CCDC91: variants seen among roughly 807,000 people sequenced by gnomAD.
CCDC91 encodes coiled-coil domain containing 91, also known as coiled-coil domain-containing protein 91.
A neutral mutation model predicts 63.2 loss-of-function variants in CCDC91; 48 were observed. The ratio of observed to expected loss-of-function variants is 0.76; its 90% CI spans 0.60 to 0.97. CCDC91 has a LOEUF of 0.97. CCDC91 is among the 50% of genes least tolerant of loss of function. The pLI, the probability that CCDC91 is intolerant of heterozygous loss-of-function variation, is 0.00. For synonymous variants in CCDC91, 167 were observed against 165.8 expected (o/e 1.01, Z -0.06); for missense variants, 500 against 494.6 (o/e 1.01, Z -0.10).
chr12:28,278,803 T>C (rs1948411305), intron 3 of CCDC91, among the ~76,000 whole-genome samples: 1 of 152,114 alleles, frequency 6.6e-6, no homozygotes, highest in Non-Finnish European at 1.5e-5. Context: ...GGCTTCACCA[T>C]TAACAGCTAT....
intron 1 of CCDC91, among the ~76,000 whole-genome samples, chr12:28,240,350 CT>C (rs1156666282): frequency 1.3e-5 from 2 of 151,966 alleles, no homozygotes; most frequent in African/African-American, 2.4e-5. Flanking sequence ...TACTTCTTGA[CT>C]TTTTTTTCCT....
intron 3 of CCDC91, among the ~76,000 whole-genome samples, chr12:28,282,049 A>G (rs1214032699): frequency 3.3e-5 from 5 of 152,200 alleles, no homozygotes; most frequent in Admixed American, 3.3e-4. Flanking sequence ...GTAGAAATGT[A>G]CATATATCTC....
chr12:28,474,750 A>G (rs1950994157), intron 11 of CCDC91, among the ~76,000 whole-genome samples: 1 of 151,398 alleles, frequency 6.6e-6, no homozygotes, highest in Admixed American at 6.6e-5. Context: ...AGAATGTTGG[A>G]GATATTGAGA....
At chr12:28,276,159 T>A (rs1379603931) in intron 3 of CCDC91, among the ~76,000 whole-genome samples, 1 of 152,098 alleles carries the variant, frequency 6.6e-6, no homozygotes, top group Non-Finnish European at 1.5e-5. Flanking sequence ...CCTTGATTAT[T>A]TTTAAAGACA....
chr12:28,259,290 C>T, intron 2 of CCDC91, 74 bp from the exon 3 acceptor site: 1 of 1,072,184 alleles, frequency 9.3e-7, no homozygotes, highest in Non-Finnish European at 1.5e-6. Flanking sequence ...GCCTATTGAA[C>T]TGGAATGCTT....
chr12:28,369,959 A>G (rs1944510264), intron 7 of CCDC91, among the ~76,000 whole-genome samples: 2 of 151,968 alleles, frequency 1.3e-5, no homozygotes, highest in Admixed American at 1.3e-4. Flanking sequence ...CCACACAACC[A>G]TTTTTCCCTC....
At chr12:28,415,662 A>G (rs1592606589) in intron 8 of CCDC91, among the ~76,000 whole-genome samples, 1 of 50,120 alleles carries the variant, frequency 2.0e-5, no homozygotes, top group East Asian at 5.8e-4. Flanking sequence ...AAAGATATAT[A>G]TTTGTGTGTG....
chr12:28,285,889 C>T (rs182019011), intron 3 of CCDC91, among the ~76,000 whole-genome samples: 43 of 151,938 alleles, frequency 2.8e-4, no homozygotes, highest in Admixed American at 1.3e-3. Flanking sequence ...AATTTTACTT[C>T]GTAAAGCAAT....
At chr12:28,296,165 A>G (rs555777810) in intron 3 of CCDC91, among the ~76,000 whole-genome samples, 100 of 151,436 alleles carry the variant, frequency 6.6e-4, no homozygotes, top group African/African-American at 2.4e-3. Flanking sequence ...TTATTTTTTA[A>G]ATTTTCCCAT....
At chr12:28,199,343 A>G (rs1478346704) in intron 1 of CCDC91, among the ~76,000 whole-genome samples, 1 of 152,148 alleles carries the variant, frequency 6.6e-6, no homozygotes, top group East Asian at 1.9e-4. Context: ...TTTTGTTCCT[A>G]TATATTCCCT....
rs1565701112 is a variant in CCDC91, at chr12:28,267,905, T to TATTATATATAATTATTATAATTATATATA, written c.109+8483_109+8511dup. On this transcript the variant is annotated intron_variant, in intron 3 of 12. Coordinates refer to ENST00000536442, the MANE Select transcript of CCDC91 (RefSeq NM_018318.5). ...TAATTATTATAATTATATATAATTA[T>TATTATATATAATTATTATAATTATATATA]ATTATATATAATTATTATAATTATA... Among the ~76,000 whole-genome samples, 109 of 55,700 alleles carry TATTATATATAATTATTATAATTATATATA rather than the reference T, an allele frequency of 2.0e-3. 2 individuals carry two copies. The highest frequency in any genetic ancestry group is 3.4e-3 in the Non-Finnish European group (81 of 24,094). 36.5% of individuals were successfully genotyped at this position (55,700 alleles called of 152,430 possible). A position where few individuals can be genotyped will look rare whatever the true frequency, so the allele number is the denominator to read the frequency against.
intron 6 of CCDC91, among the ~76,000 whole-genome samples, chr12:28,313,851 AT>A (rs921691924): frequency 6.6e-6 from 1 of 151,966 alleles, no homozygotes; most frequent in Non-Finnish European, 1.5e-5. Context: ...AGAACTCCTC[AT>A]TTTAGTACAA....
Position 28,521,196 on chromosome 12 carries a change from A to G in CCDC91, c.1216-27867A>G, listed in dbSNP as rs568546341. 9.7e-4 allele frequency among the ~76,000 whole-genome samples: 148 copies of G among 152,266 alleles called. 1 individual carries two copies. The highest frequency in any genetic ancestry group is 3.4e-3 in the African/African-American group (141 of 41,556). ...CATTTTCACGATATTGATTATTCCT[A>G]TCCATGAGCATGGAATGTTCTTCCA... On this transcript the variant is annotated intron_variant, in intron 12 of 12. Transcript: ENST00000536442.
At chr12:28,386,019 C>G (rs1191908697) in intron 7 of CCDC91, among the ~76,000 whole-genome samples, 1 of 151,990 alleles carries the variant, frequency 6.6e-6, no homozygotes, top group Non-Finnish European at 1.5e-5. Flanking sequence ...ATTTATAGTC[C>G]TTCACACTAT....
At chr12:28,435,434 A>C (rs946560242) in intron 8 of CCDC91, among the ~76,000 whole-genome samples, 2 of 151,742 alleles carry the variant, frequency 1.3e-5, no homozygotes, top group Non-Finnish European at 3.0e-5. Flanking sequence ...ATCTATAACT[A>C]TCCTAATTTC....
chr12:28,366,610 G>T (rs567744481), intron 7 of CCDC91, among the ~76,000 whole-genome samples: 2 of 152,278 alleles, frequency 1.3e-5, no homozygotes, highest in East Asian at 3.9e-4. Flanking sequence ...TGGGCAATAA[G>T]CCCCCTTCCT....
intron 11 of CCDC91, among the ~76,000 whole-genome samples, chr12:28,469,737 G>C (rs139044758): frequency 4.4e-4 from 67 of 152,192 alleles, no homozygotes; most frequent in African/African-American, 1.5e-3. Context: ...CATAAAATCA[G>C]ACACACAGAC....
chr12:28,488,901 T>G (rs987673552), intron 12 of CCDC91, among the ~76,000 whole-genome samples: 1 of 151,956 alleles, frequency 6.6e-6, no homozygotes, highest in African/African-American at 2.4e-5. Flanking sequence ...ATAGCAGAAG[T>G]TGCAAACTGC....
At chr12:28,460,711 C>T (rs1950261925) in intron 11 of CCDC91, among the ~76,000 whole-genome samples, 1 of 150,552 alleles carries the variant, frequency 6.6e-6, no homozygotes, top group African/African-American at 2.4e-5. Flanking sequence ...AAAGATAAAG[C>T]CACATTCTTC....
Sources: allele counts gnomAD v4.1 joint callset (sites outside exome capture counted in the v4.1 genomes callset), GRCh38; gene constraint gnomAD v4.1.1; transcripts MANE v1.5; gene names NCBI Gene and HGNC (gene_info 2026-07-23, HGNC 2026-07-21).